BAZ1B: variants seen among roughly 807,000 people sequenced by gnomAD.
The protein encoded by BAZ1B is tyrosine-protein kinase BAZ1B.
In BAZ1B, 22 loss-of-function variants were observed where a neutral mutation model predicts 153.8. That is an observed-to-expected ratio of 0.14 (90% confidence interval 0.10 to 0.20). The LOEUF (loss-of-function observed/expected upper bound fraction) is 0.20, where lower values mean the gene tolerates loss of function less well. Ranked by LOEUF, BAZ1B falls within the 10% of genes least tolerant of loss-of-function variation. The pLI is 1.00. For synonymous variants in BAZ1B, 676 were observed against 633.4 expected (o/e 1.07, Z -1.01); for missense variants, 1,325 against 1,799.3 (o/e 0.74, Z 4.77).
At chr7:73,513,307 G>A (rs1243867658) in intron 1 of BAZ1B, among the ~76,000 whole-genome samples, 1 of 152,116 alleles carries the variant, frequency 6.6e-6, no homozygotes, top group South Asian at 2.1e-4. Flanking sequence ...CAGCAAAAAC[G>A]CAAACAAGAA....
At chr7:73,464,731 T>G (rs1165683777) in intron 11 of BAZ1B, among the ~76,000 whole-genome samples, 1 of 152,154 alleles carries the variant, frequency 6.6e-6, no homozygotes, top group Non-Finnish European at 1.5e-5. Flanking sequence ...GGGTTTTTTG[T>G]TTCATTTTGT....
In BAZ1B at chr7:73,498,539, CCTT is replaced by C. The variant is rs782372614; in HGVS notation, c.526_528del (p.Lys176del). ...CCTTCATCCTCTTTCACAACTGTCT[CCTT>C]CTTCTGATGGTCCTGAGCAATCTGA... On this transcript the variant is annotated inframe_deletion, in exon 4 of 20. Transcript: ENST00000339594. 38 of 1,613,976 alleles carry C rather than the reference CCTT, an allele frequency of 2.4e-5. No individual in the cohort carries two copies. The highest frequency in any genetic ancestry group is 2.8e-5 in the Non-Finnish European group (33 of 1,180,010).
intron 6 of BAZ1B, among the ~76,000 whole-genome samples, chr7:73,484,128 T>C (rs903192322): frequency 6.6e-6 from 1 of 151,938 alleles, no homozygotes; most frequent in Admixed American, 6.6e-5. Context: ...TAGCCAGGCA[T>C]GGTGGTGGGT....
At chr7:73,461,938 T>C (rs1247403970) in intron 12 of BAZ1B, among the ~76,000 whole-genome samples, 1 of 152,202 alleles carries the variant, frequency 6.6e-6, no homozygotes, top group Admixed American at 6.5e-5. Context: ...AAATTTTCCA[T>C]GTGTTTGTGT....
intron 5 of BAZ1B, among the ~76,000 whole-genome samples, chr7:73,491,320 C>T (rs894868872): frequency 2.6e-5 from 4 of 152,002 alleles, no homozygotes; most frequent in Admixed American, 6.6e-5. Flanking sequence ...CAACCTAGGC[C>T]GGGCGTGGTG....
Position 73,447,310 on chromosome 7 carries a change from TTCC to T in BAZ1B, c.3795_3797del (p.Glu1273del), listed in dbSNP as rs782060109. ...AATCTTCTTCCTCCTCCTCCTCTTC[TTCC>T]TCCTCCTCCTCTTCATCACTCTCAT... On this transcript the variant is annotated inframe_deletion, in exon 16 of 20. Transcript: ENST00000339594. 100 of 1,609,096 alleles carry T rather than the reference TTCC, an allele frequency of 6.2e-5. No homozygotes were observed. The highest frequency in any genetic ancestry group is 2.3e-4 in the South Asian group (21 of 90,880).
At chr7:73,443,053 T>G (rs1787688644) in intron 17 of BAZ1B, among the ~76,000 whole-genome samples, 1 of 152,122 alleles carries the variant, frequency 6.6e-6, no homozygotes, top group East Asian at 1.9e-4. Context: ...GCCACGGCAA[T>G]CAAAGCAGCA....
chr7:73,499,609 G>A (rs562084859), intron 3 of BAZ1B, among the ~76,000 whole-genome samples: 1 of 152,302 alleles, frequency 6.6e-6, no homozygotes, highest in African/African-American at 2.4e-5. Context: ...GGCTGAGGCA[G>A]GAAGATCGCT....
At chr7:73,455,208 A>G (rs938780935) in intron 13 of BAZ1B, among the ~76,000 whole-genome samples, 1 of 151,824 alleles carries the variant, frequency 6.6e-6, no homozygotes, top group Non-Finnish European at 1.5e-5. Flanking sequence ...TTTTTTACTC[A>G]TCTCTATAAA....
Position 73,489,223 on chromosome 7 carries a change from A to G in BAZ1B, c.862T>C (p.Phe288Leu). 1.2e-6 allele frequency: 2 copies of G among 1,614,204 alleles called. No individual in the cohort carries two copies. Among genetic ancestry groups the G allele is most frequent in the Non-Finnish European group, 1.7e-6 (2 of 1,180,030 alleles). The change falls in exon 6 of 20, where the codon TTC becomes CTC. Residue 288 changes from phenylalanine to leucine, a missense_variant. By Grantham distance (22) the Phe-to-Leu change is conservative. Transcript: ENST00000339594. ...TATGGATCAAGTAAAAAGTCACTGA[A>G]CTTGCTGGGCAGAGAGTATTTCTTC... ...LVKKYSLPSK[F>L]SDFLLDPYKY...
intron 13 of BAZ1B, among the ~76,000 whole-genome samples, chr7:73,458,290 A>C (rs995462711): frequency 6.6e-6 from 1 of 152,220 alleles, no homozygotes; most frequent in Non-Finnish European, 1.5e-5. Context: ...ATTTGGTGTC[A>C]GAAGTGTATG....
chr7:73,440,655 T>A lies in BAZ1B; in HGVS notation c.*1054A>T, dbSNP rs1178880851. The A allele has an allele frequency of 6.6e-6, 1 of 152,166 alleles. No homozygotes were observed. Among genetic ancestry groups the A allele is most frequent in the Non-Finnish European group, 1.5e-5 (1 of 68,034 alleles). The allele number at this position is 152,166 out of a possible 1,614,324, so 9.4% of individuals were successfully genotyped here. ...GATGTCAGTGCCAACTCCATGCCTA[T>A]AGAAGGGACGGTAAACTACCCAGCA... On this transcript the variant is annotated 3_prime_UTR_variant, in exon 20 of 20. Coordinates refer to ENST00000339594, the MANE Select transcript of BAZ1B (RefSeq NM_032408.4).
chr7:73,518,895 A>G (rs1214907401), intron 1 of BAZ1B, among the ~76,000 whole-genome samples: 2 of 152,194 alleles, frequency 1.3e-5, no homozygotes, highest in Non-Finnish European at 2.9e-5. Context: ...AAAAATACTC[A>G]TCTACAACAC....
At chr7:73,491,768 T>G (rs1789654836) in intron 5 of BAZ1B, among the ~76,000 whole-genome samples, 1 of 152,128 alleles carries the variant, frequency 6.6e-6, no homozygotes, top group East Asian at 1.9e-4. Flanking sequence ...TCCTTCCCAT[T>G]TTCATTTACT....
chr7:73,449,832 G>T, intron 14 of BAZ1B, 143 bp from the exon 15 acceptor site: 1 of 850,682 alleles, frequency 1.2e-6, no homozygotes, highest in Non-Finnish European at 1.7e-6. Flanking sequence ...CTTTGTAAAT[G>T]CAGGCATTTT....
At chr7:73,489,529 T>C (rs922118768) in intron 5 of BAZ1B, 138 bp from the exon 6 acceptor site, 20 of 838,412 alleles carry the variant, frequency 2.4e-5, no homozygotes, top group East Asian at 1.3e-4. Flanking sequence ...AAGAAAAATA[T>C]ATAGGCCAGG....
chr7:73,494,031 T>C (rs549276977), intron 4 of BAZ1B, among the ~76,000 whole-genome samples: 2 of 152,170 alleles, frequency 1.3e-5, no homozygotes, highest in East Asian at 3.9e-4. Context: ...TTGCTAGCAC[T>C]AGAGAACCAA....
chr7:73,493,033 A>G, intron 4 of BAZ1B, 112 bp from the exon 5 acceptor site: 1 of 1,162,256 alleles, frequency 8.6e-7, no homozygotes. Flanking sequence ...TGGGTGATGC[A>G]GTACAAAAAT....
intron 3 of BAZ1B, among the ~76,000 whole-genome samples, chr7:73,499,039 T>C (rs1554576754): frequency 6.6e-6 from 1 of 152,200 alleles, no homozygotes; most frequent in African/African-American, 2.4e-5. Context: ...TATTATTTTT[T>C]TTTTGAGACA....
Sources: allele counts gnomAD v4.1 joint callset (sites outside exome capture counted in the v4.1 genomes callset), GRCh38; gene constraint gnomAD v4.1.1; transcripts MANE v1.5; gene names NCBI Gene and HGNC (gene_info 2026-07-23, HGNC 2026-07-21).